ABR: variants seen among roughly 807,000 people sequenced by gnomAD.
ABR encodes the protein ABR activator of RhoGEF and GTPase.
In ABR, 35 loss-of-function variants were observed where a neutral mutation model predicts 107.2. That is an observed-to-expected ratio of 0.33 (90% CI 0.25 to 0.43). The LOEUF (loss-of-function observed/expected upper bound fraction) is 0.43. ABR is among the 20% of genes least tolerant of loss of function. ABR has a pLI of 1.00. For missense variants in ABR, 815 were observed against 1,115.2 expected (o/e 0.73, Z 3.83); for synonymous variants, 498 against 462.0 (o/e 1.08, Z -1.00).
At chr17:1,040,521 A>G (rs2030216567) in intron 16 of ABR, among the ~76,000 whole-genome samples, 1 of 152,210 alleles carries the variant, frequency 6.6e-6, no homozygotes, top group Non-Finnish European at 1.5e-5. Flanking sequence ...TTGGTTCAGC[A>G]AAGCCAGTCT....
rs771481181 is a variant in ABR, at chr17:1,056,999, G to A, written c.1485C>T (p.Asp495=). The change falls in exon 13 of 23, where the codon GAC becomes GAT. Residue 495 remains aspartate, a splice_region_variant and synonymous_variant. Transcript: ENST00000302538. The part of the protein sequence containing the change: ...VHNIPVTSNK[D]DDESPGLYGF... ...GCCACCTCTGGTTCCCGAGCTTACC[G>A]TCTTTATTGCTGGTGACAGGAATGT... The A allele has an allele frequency of 4.4e-6, 7 of 1,604,638 alleles. No individual in the cohort carries two copies. Among genetic ancestry groups the A allele is most frequent in the South Asian group, 3.3e-5 (3 of 90,754 alleles).
chr17:1,023,879 C>T (rs2071930717), intron 16 of ABR, among the ~76,000 whole-genome samples: 1 of 151,938 alleles, frequency 6.6e-6, no homozygotes, highest in Non-Finnish European at 1.5e-5. Flanking sequence ...ACAAAAATTA[C>T]CCCGGCGTGG....
intron 1 of ABR, among the ~76,000 whole-genome samples, chr17:1,141,058 G>C (rs1431778776): frequency 6.6e-6 from 1 of 152,168 alleles, no homozygotes; most frequent in Non-Finnish European, 1.5e-5. Context: ...TAAAGAACTG[G>C]GCACAGTATC....
rs770983190 is a variant in ABR, at chr17:1,006,060, C to T, written c.*20G>A. 2.8e-5 allele frequency: 43 copies of T among 1,551,002 alleles called. No individual in the cohort carries two copies. In the Middle Eastern group the frequency reaches 8.3e-4, roughly 30 times the overall value. ...GGAGGGGCTGGTTCCACCACCCGCCCGCAGCCACCCTGCCTCGGGCTACAC... is the reference window on the plus strand; with the variant it reads ...GGAGGGGCTGGTTCCACCACCCGCCTGCAGCCACCCTGCCTCGGGCTACAC... On this transcript the variant is annotated 3_prime_UTR_variant, in exon 23 of 23. Transcript: ENST00000302538.
At chr17:1,130,693 A>C (rs924225522) in intron 1 of ABR, among the ~76,000 whole-genome samples, 1 of 152,196 alleles carries the variant, frequency 6.6e-6, no homozygotes, top group Non-Finnish European at 1.5e-5. Context: ...TGAATAAATG[A>C]AGGGTCTCAA....
chr17:1,004,990 G>A lies in ABR; in HGVS notation c.*1090C>T. On this transcript the variant is annotated 3_prime_UTR_variant, in exon 23 of 23. Transcript: ENST00000302538. ...CCTACCTGCCTGGACACCTGCTTCG[G>A]CCACATCAGTCACCCTCCAGGAAGC... 2.5e-6 allele frequency: 1 copy of A among 399,056 alleles called. No individual in the cohort carries two copies. Among genetic ancestry groups the A allele is most frequent in the Non-Finnish European group, 4.4e-6 (1 of 226,228 alleles). The allele number at this position is 399,056 out of a possible 1,614,324, so 24.7% of individuals were successfully genotyped here.
intron 10 of ABR, among the ~76,000 whole-genome samples, chr17:1,065,437 CGCTGTTGTT>C (rs1161438063): frequency 0.092 from 6,698 of 72,724 alleles, 345 homozygotes; most frequent in South Asian, 0.11. Flanking sequence ...TTCCTCTAGA[CGCTGTTGTT>C]ATGTGAACTG....
chr17:1,168,787 C>T lies in ABR; in HGVS notation c.61+10880G>A, dbSNP rs577119153. ...CCTCCGGCTAGAAGCAGCAGCTCTC[C>T]TGACAGCCAATGTGCGTTCCATCCT... On this transcript the variant is annotated intron_variant, in intron 1 of 22. Transcript: ENST00000302538. 8.5e-5 allele frequency among the ~76,000 whole-genome samples: 13 copies of T among 152,350 alleles called. No individual in the cohort carries two copies. The East Asian group carries it at 2.5e-3, about 29-fold the overall frequency.
intron 2 of ABR, 85 bp downstream of exon 2, chr17:1,125,098 C>G: frequency 7.1e-7 from 1 of 1,410,444 alleles, no homozygotes; most frequent in South Asian, 1.4e-5. Flanking sequence ...TCTCTCGAGA[C>G]CAACCCAAGC....
intron 1 of ABR, among the ~76,000 whole-genome samples, chr17:1,195,595 G>C (rs2042544072): frequency 6.6e-6 from 1 of 150,648 alleles, no homozygotes; most frequent in Non-Finnish European, 1.5e-5. Context: ...ACGAGGTCAG[G>C]AGATCGAGAC....
At chr17:1,100,603 G>T (rs1361546799) in intron 3 of ABR, 34 bp downstream of exon 3, 1 of 1,594,922 alleles carries the variant, frequency 6.3e-7, no homozygotes, top group Non-Finnish European at 8.6e-7. Flanking sequence ...CGGGCGGGGG[G>T]ACCGGAAGGC....
At chr17:1,075,555 G>A (rs1419334485) in intron 6 of ABR, among the ~76,000 whole-genome samples, 1 of 150,804 alleles carries the variant, frequency 6.6e-6, no homozygotes, top group Non-Finnish European at 1.5e-5. Context: ...GCTGCCTGTC[G>A]GAATCACTGG....
chr17:1,111,190 T>A (rs1422315641), intron 2 of ABR, among the ~76,000 whole-genome samples: 3 of 152,140 alleles, frequency 2.0e-5, no homozygotes, highest in African/African-American at 7.2e-5. Flanking sequence ...CCCTTGGAAG[T>A]CTGCCAGGAT....
At chr17:1,030,704 G>A (rs1310941499) in intron 16 of ABR, among the ~76,000 whole-genome samples, 2 of 152,262 alleles carry the variant, frequency 1.3e-5, no homozygotes, top group Non-Finnish European at 2.9e-5. Context: ...CTGGCAGTAA[G>A]AGCCTGCAGA....
Position 1,037,311 on chromosome 17 carries a change from G to A in ABR, c.1791+12739C>T, listed in dbSNP as rs1162010340. Among the ~76,000 whole-genome samples, 1 of 152,178 alleles carries A rather than the reference G, an allele frequency of 6.6e-6. No individual in the cohort carries two copies. Among genetic ancestry groups the A allele is most frequent in the East Asian group, 1.9e-4 (1 of 5,184 alleles). ...CGGCTCATAGGGCAGTCCCGAGTAC[G>A]TGCTGCTTCTCACACAGCTCCAGCC... On this transcript the variant is annotated intron_variant, in intron 16 of 22. Coordinates refer to ENST00000302538, the MANE Select transcript of ABR (RefSeq NM_021962.5). The surrounding 1 kb of genome is among the most constrained non-coding windows in gnomAD (Gnocchi z 4.6).
chr17:1,228,608 A>G (rs1265480018), intron 1 of ABR, among the ~76,000 whole-genome samples: 2 of 152,032 alleles, frequency 1.3e-5, no homozygotes, highest in East Asian at 2.0e-4. Flanking sequence ...GTCGCCTTGC[A>G]CGTGTTTTCT....
intron 3 of ABR, among the ~76,000 whole-genome samples, chr17:1,097,976 A>C (rs1289828560): frequency 6.6e-6 from 1 of 152,188 alleles, no homozygotes; most frequent in East Asian, 1.9e-4. Context: ...AACCCCATGG[A>C]AAGAGAGAGA....
chr17:1,119,699 C>T (rs967938687), intron 2 of ABR, among the ~76,000 whole-genome samples: 2 of 152,204 alleles, frequency 1.3e-5, no homozygotes, highest in Non-Finnish European at 2.9e-5. Flanking sequence ...GGCGGATGCA[C>T]CCCACAAGTG....
intron 11 of ABR, among the ~76,000 whole-genome samples, chr17:1,058,525 G>A (rs2033596147): frequency 6.6e-6 from 1 of 152,174 alleles, no homozygotes. Flanking sequence ...TCCTTCCTGG[G>A]AAGCCAAGGT....
Sources: allele counts gnomAD v4.1 joint callset (sites outside exome capture counted in the v4.1 genomes callset), GRCh38; gene constraint gnomAD v4.1.1; non-coding constraint Gnocchi (gnomAD v3.1); transcripts MANE v1.5; gene names NCBI Gene and HGNC (gene_info 2026-07-23, HGNC 2026-07-21).